MED13L: variants seen among roughly 807,000 people sequenced by gnomAD.
MED13L encodes the protein mediator of RNA polymerase II transcription subunit 13-like.
In MED13L, 7 loss-of-function variants were observed where a neutral mutation model predicts 220.9. The ratio of observed to expected loss-of-function variants is 0.03; its 90% confidence interval spans 0.02 to 0.06. The LOEUF (loss-of-function observed/expected upper bound fraction) is 0.06, where lower values mean the gene tolerates loss of function less well. MED13L is among the 10% of genes least tolerant of loss of function. The pLI is 1.00. For missense variants in MED13L, 1,965 were observed against 2,760.5 expected (o/e 0.71, Z 6.46); for synonymous variants, 1,011 against 1,015.2 (o/e 1.00, Z 0.08).
At chr12:116,060,384 C>G (rs968108077) in intron 4 of MED13L, among the ~76,000 whole-genome samples, 1 of 151,868 alleles carries the variant, frequency 6.6e-6, no homozygotes, top group Non-Finnish European at 1.5e-5. Flanking sequence ...TTGAGACCAG[C>G]CTGGGCAACA....
At chr12:116,106,810 C>T (rs889415783) in intron 3 of MED13L, among the ~76,000 whole-genome samples, 1 of 149,750 alleles carries the variant, frequency 6.7e-6, no homozygotes, top group African/African-American at 2.5e-5. Flanking sequence ...CGCGCCACTG[C>T]ACTCCAGCCC....
intron 19 of MED13L, among the ~76,000 whole-genome samples, chr12:115,985,716 A>C (rs1260626964): frequency 6.6e-6 from 1 of 152,224 alleles, no homozygotes; most frequent in Non-Finnish European, 1.5e-5. Flanking sequence ...CCTGGTTTTT[A>C]CATTATTATA....
At chr12:116,027,353 T>C (rs994480573) in intron 4 of MED13L, among the ~76,000 whole-genome samples, 4 of 152,054 alleles carry the variant, frequency 2.6e-5, no homozygotes, top group Non-Finnish European at 4.4e-5. Context: ...GCCTTTGAGG[T>C]TGAGGTGGCA....
chr12:116,206,082 T>TG (rs1882311587), intron 2 of MED13L, among the ~76,000 whole-genome samples: 2 of 137,260 alleles, frequency 1.5e-5, no homozygotes, highest in South Asian at 5.0e-4. Context: ...ACCTTTTTTT[T>TG]TTTTTTTTTT....
rs766945145 is a variant in MED13L at position 116,237,551 on chromosome 12, A to G, written c.227T>C (p.Val76Ala). The change falls in exon 2 of 31, where the codon GTC becomes GCC. Residue 76 changes from valine (V) to alanine (A), a missense_variant. This residue lies in a region of MED13L where 818 missense variants were observed against 1,041.2 expected (regional missense o/e 0.79). Transcript: ENST00000281928. ...ANLLCVWRRD[V>A]KPDCKELWIF... is the part of the protein sequence containing the mutation. Reference sequence around the variant, plus strand: ...CCATAACTCTTTGCAATCTGGTTTGACATCACGACGCCATACACAAAGCAG... The same window carrying G: ...CCATAACTCTTTGCAATCTGGTTTGGCATCACGACGCCATACACAAAGCAG... 4 of 1,614,200 alleles carry G rather than the reference A, an allele frequency of 2.5e-6. No individual in the cohort carries two copies. The South Asian group carries it at 4.4e-5, about 18-fold the overall frequency.
chr12:116,260,181 C>G (rs1452194464), intron 1 of MED13L, among the ~76,000 whole-genome samples: 6 of 152,170 alleles, frequency 3.9e-5, no homozygotes, highest in African/African-American at 1.4e-4. Flanking sequence ...GGAAAGCCAA[C>G]TCTTTACCTT....
At chr12:116,081,005 T>G (rs1871206725) in intron 4 of MED13L, among the ~76,000 whole-genome samples, 1 of 152,222 alleles carries the variant, frequency 6.6e-6, no homozygotes, top group African/African-American at 2.4e-5. Context: ...GAACATACTT[T>G]GCACAATCCA....
intron 1 of MED13L, among the ~76,000 whole-genome samples, chr12:116,259,052 T>C (rs921175679): frequency 5.3e-5 from 8 of 152,040 alleles, no homozygotes; most frequent in African/African-American, 1.9e-4. Flanking sequence ...TTTATAGCTA[T>C]AGCTTTCCAA....
At chr12:115,964,170 T>G (rs1875973681) in intron 29 of MED13L, among the ~76,000 whole-genome samples, 1 of 152,200 alleles carries the variant, frequency 6.6e-6, no homozygotes, top group Admixed American at 6.5e-5. Flanking sequence ...TTGTAAAAAG[T>G]CAGTAGATGT....
chr12:116,057,143 T>C (rs937800694), intron 4 of MED13L, among the ~76,000 whole-genome samples: 1 of 152,038 alleles, frequency 6.6e-6, no homozygotes, highest in Non-Finnish European at 1.5e-5. Flanking sequence ...TAACAGAAAA[T>C]GAAGTTGGCT....
chr12:116,016,218 C>G (rs181935030), intron 7 of MED13L, among the ~76,000 whole-genome samples: 2 of 152,002 alleles, frequency 1.3e-5, no homozygotes, highest in Admixed American at 6.6e-5. Flanking sequence ...AAGAAAGAAG[C>G]AACTTTATAA....
intron 7 of MED13L, among the ~76,000 whole-genome samples, chr12:116,017,009 T>C (rs930710013): frequency 6.6e-6 from 1 of 152,234 alleles, no homozygotes; most frequent in Non-Finnish European, 1.5e-5. Context: ...TACTCTCTGA[T>C]ACAGCATTAA....
In MED13L at chr12:115,960,390, T is replaced by C. The variant is rs142874043; in HGVS notation, c.*876A>G. Reference sequence around the variant, plus strand: ...AGCTTGACTGCCTTCTGTATAAAAATGTTATCCTTCATGAAATGCTGGCCA... The same window carrying C: ...AGCTTGACTGCCTTCTGTATAAAAACGTTATCCTTCATGAAATGCTGGCCA... On this transcript the variant is annotated 3_prime_UTR_variant, in exon 31 of 31. Coordinates refer to ENST00000281928, the MANE Select transcript of MED13L (RefSeq NM_015335.5). 145 of 152,776 alleles carry C rather than the reference T, an allele frequency of 9.5e-4. No homozygotes were observed. The highest frequency in any genetic ancestry group is 3.4e-3 in the African/African-American group (140 of 41,578). The allele number at this position is 152,776 out of a possible 1,614,324, so 9.5% of individuals were successfully genotyped here. A position where few individuals can be genotyped will look rare whatever the true frequency, so the allele number is the denominator to read the frequency against.
At chr12:116,007,253 C>T (rs980441898) in intron 11 of MED13L, 158 bp downstream of exon 11, 51 of 717,754 alleles carry the variant, frequency 7.1e-5, no homozygotes, top group Middle Eastern at 2.3e-4. Flanking sequence ...AGGAACAATA[C>T]GCTGTTCAAT....
chr12:115,988,643 T>C (rs1305480130), intron 17 of MED13L, among the ~76,000 whole-genome samples: 3 of 152,196 alleles, frequency 2.0e-5, no homozygotes, highest in African/African-American at 2.4e-5. Context: ...GCCTGCAAAA[T>C]AGAAAGTGAG....
At position 116,006,311 on chromosome 12, in the gene MED13L, T is replaced by C; in HGVS notation, c.2339A>G (p.Lys780Arg). 1 of 1,613,466 alleles carries C rather than the reference T, an allele frequency of 6.2e-7. No homozygotes were observed. The highest frequency in any genetic ancestry group is 1.1e-5 in the South Asian group (1 of 91,070). Residue 780 changes from lysine (K) to arginine (R), a missense_variant, in exon 12 of 31, where the codon AAA (lysine) becomes AGA (arginine). Physicochemically the swap from Lys to Arg is conservative, Grantham distance 26. Around this residue, in one of 10 missense-constraint regions of MED13L, gnomAD observed 818 missense variants for 1,041.2 expected, o/e 0.79. Coordinates refer to ENST00000281928, the MANE Select transcript of MED13L (RefSeq NM_015335.5). ...NAMSIFSSAT[K>R]TDVRQDNAAG... is the part of the protein sequence containing the mutation. ...CAAATAATCATTGTACACACCTGTT[T>C]TAGTAGCAGAACTGAAAATAGACAT...
chr12:116,276,354 G>GTGA, intron 1 of MED13L: 2 of 695,426 alleles, frequency 2.9e-6, no homozygotes, highest in Non-Finnish European at 4.3e-6. Flanking sequence ...GTGTGTGTGC[G>GTGA]GATTCGTTGT....
intron 2 of MED13L, among the ~76,000 whole-genome samples, chr12:116,140,317 A>G (rs184794516): frequency 7.9e-5 from 12 of 152,318 alleles, no homozygotes; most frequent in African/African-American, 2.6e-4. Context: ...GTTTGTTTCA[A>G]GGTTATATCC....
At chr12:115,963,584 G>A in intron 29 of MED13L, 65 bp from the exon 30 acceptor site, 1 of 1,177,554 alleles carries the variant, frequency 8.5e-7, no homozygotes, top group Non-Finnish European at 1.3e-6. Flanking sequence ...AGTGAGGGAG[G>A]CCATGTCTGC....
Sources: gnomAD v4.1 joint callset for allele counts (sites outside exome capture counted in the v4.1 genomes callset) on GRCh38, gnomAD v4.1.1 for gene constraint, gnomAD v4.1.1 regional missense constraint, MANE v1.5 for transcripts, NCBI Gene and HGNC (gene_info 2026-07-23, HGNC 2026-07-21) for gene names.